Variants in AKAP6 observed in about 807,000 individuals in gnomAD.
AKAP6 encodes the protein A-kinase anchoring protein 6.
In AKAP6, 58 loss-of-function variants were observed where a neutral mutation model predicts 188.5. The ratio of observed to expected loss-of-function variants is 0.31; its 90% CI spans 0.25 to 0.38. The LOEUF (loss-of-function observed/expected upper bound fraction) is 0.38. Among genes scored for constraint, AKAP6 ranks in the 10% least tolerant of loss-of-function variants. The pLI is 1.00. For synonymous variants in AKAP6, 989 were observed against 998.6 expected (o/e 0.99, Z 0.18); for missense variants, 2,710 against 2,740.0 (o/e 0.99, Z 0.24).
At chr14:32,670,183 G>A (rs922494716) in intron 7 of AKAP6, among the ~76,000 whole-genome samples, 8 of 151,764 alleles carry the variant, frequency 5.3e-5, no homozygotes, top group Admixed American at 2.0e-4. Flanking sequence ...CAGATCTCAT[G>A]AAAACTATCA....
In AKAP6 at chr14:32,831,902, T is replaced by C. The variant is rs983741936; in HGVS notation, c.*2097T>C. The C allele has an allele frequency of 6.6e-6, 1 of 152,188 alleles. No individual in the cohort carries two copies. Among genetic ancestry groups the C allele is most frequent in the Non-Finnish European group, 1.5e-5 (1 of 68,032 alleles). The allele number at this position is 152,188 out of a possible 1,614,324, so 9.4% of individuals were successfully genotyped here. A position where few individuals can be genotyped will look rare whatever the true frequency, so the allele number is the denominator to read the frequency against. ...AAAATGCTAGGTAATAAGGACACTT[T>C]GTACAGGCTGTTTTGCACCTGATTT... On this transcript the variant is annotated 3_prime_UTR_variant, in exon 14 of 14. Transcript: ENST00000280979.
chr14:32,452,600 A>G (rs1890978144), intron 2 of AKAP6, among the ~76,000 whole-genome samples: 1 of 152,088 alleles, frequency 6.6e-6, no homozygotes, highest in African/African-American at 2.4e-5. Flanking sequence ...GCTTGAGGCC[A>G]GGAGTTTGTG....
At chr14:32,465,703 A>T (rs149879301) in intron 2 of AKAP6, among the ~76,000 whole-genome samples, 52,638 of 151,954 alleles carry the variant, frequency 0.35, 10,730 homozygotes, top group Non-Finnish European at 0.47. Context: ...CACAAAAAGC[A>T]ATTGCAACAA....
chr14:32,460,355 G>A (rs1429793629), intron 2 of AKAP6, among the ~76,000 whole-genome samples: 2 of 152,184 alleles, frequency 1.3e-5, no homozygotes, highest in South Asian at 2.1e-4. Context: ...CAGAAAGCAG[G>A]TGATTTCTCC....
chr14:32,480,571 A>T (rs1292614922), intron 2 of AKAP6, among the ~76,000 whole-genome samples: 1 of 152,212 alleles, frequency 6.6e-6, no homozygotes, highest in Non-Finnish European at 1.5e-5. Context: ...GGAAGGAAGC[A>T]GTTTGGTGAT....
chr14:32,466,370 T>C lies in AKAP6; in HGVS notation c.324+32553T>C, dbSNP rs184166430. ...GGCTGGATAAAGAATATGTGGCACA[T>C]GTACACCATGGAATACTATGCAGCC... On this transcript the variant is annotated intron_variant, in intron 2 of 13. Coordinates refer to ENST00000280979, the MANE Select transcript of AKAP6 (RefSeq NM_004274.5). Among the ~76,000 whole-genome samples the C allele has an allele frequency of 2.0e-5, 3 of 152,294 alleles. 1 individual carries two copies. Among genetic ancestry groups the C allele is most frequent in the Admixed American group, 1.3e-4 (2 of 15,292 alleles).
intron 12 of AKAP6, among the ~76,000 whole-genome samples, chr14:32,805,419 T>C (rs1473580936): frequency 2.0e-5 from 3 of 152,194 alleles, no homozygotes; most frequent in Non-Finnish European, 4.4e-5. Context: ...ATCCTGCGTG[T>C]AGGAGGAGAG....
At chr14:32,631,351 T>A (rs966748842) in intron 7 of AKAP6, among the ~76,000 whole-genome samples, 2 of 152,184 alleles carry the variant, frequency 1.3e-5, no homozygotes, top group African/African-American at 4.8e-5. Flanking sequence ...ATTTATCGAT[T>A]TTCCACTTTC....
Position 32,581,188 on chromosome 14 carries a change from G to A in AKAP6, c.2469+3946G>A, listed in dbSNP as rs567384482. 5.0e-3 allele frequency among the ~76,000 whole-genome samples: 760 copies of A among 152,144 alleles called. 4 individuals are homozygous for A. Among genetic ancestry groups the A allele is most frequent in the Middle Eastern group, 0.017 (5 of 294 alleles). On this transcript the variant is annotated intron_variant, in intron 5 of 13. Transcript: ENST00000280979. ...CCACCAACAGTGTAAAAGTGTTCCT[G>A]TTTCTCCACATCCTCTCCAGCACCT...
At chr14:32,829,241 G>C (rs1398423632) in intron 13 of AKAP6, among the ~76,000 whole-genome samples, 2 of 151,208 alleles carry the variant, frequency 1.3e-5, no homozygotes, top group Non-Finnish European at 3.0e-5. Context: ...CCACAATGCT[G>C]TATGTACCTT....
At chr14:32,555,108 G>A (rs561821278) in intron 4 of AKAP6, among the ~76,000 whole-genome samples, 78 of 152,310 alleles carry the variant, frequency 5.1e-4, no homozygotes, top group African/African-American at 1.9e-3. Context: ...AGCTAAGGAT[G>A]TCCTTGCACA....
intron 1 of AKAP6, among the ~76,000 whole-genome samples, chr14:32,343,515 G>A (rs557402871): frequency 2.6e-5 from 4 of 151,854 alleles, no homozygotes; most frequent in African/African-American, 4.8e-5. Context: ...TTGGGAGGCC[G>A]AGGTGGGTGG....
At chr14:32,585,877 T>C (rs539522209) in intron 5 of AKAP6, among the ~76,000 whole-genome samples, 5 of 152,188 alleles carry the variant, frequency 3.3e-5, no homozygotes, top group African/African-American at 1.2e-4. Context: ...AGCCATGTGG[T>C]GTAGCTGAGA....
At chr14:32,611,691 C>T (rs1886358337) in intron 7 of AKAP6, among the ~76,000 whole-genome samples, 1 of 152,118 alleles carries the variant, frequency 6.6e-6, no homozygotes, top group Non-Finnish European at 1.5e-5. Context: ...CTTTCAGGCC[C>T]TGTTGCCCAG....
At chr14:32,371,993 C>T (rs952819149) in intron 1 of AKAP6, among the ~76,000 whole-genome samples, 27 of 151,774 alleles carry the variant, frequency 1.8e-4, no homozygotes, top group African/African-American at 5.3e-4. Context: ...TTCTCTCCTT[C>T]CTTCTCTTTT....
chr14:32,715,770 ATT>A (rs67983441), intron 9 of AKAP6, among the ~76,000 whole-genome samples: 7 of 151,472 alleles, frequency 4.6e-5, no homozygotes, highest in African/African-American at 1.7e-4. Flanking sequence ...AAAAGGAAAG[ATT>A]TTTTTTTAAA....
At chr14:32,357,452 C>T (rs915839224) in intron 1 of AKAP6, among the ~76,000 whole-genome samples, 2 of 152,158 alleles carry the variant, frequency 1.3e-5, no homozygotes, top group African/African-American at 4.8e-5. Context: ...GTTCTTTTCT[C>T]CCATATCACA....
chr14:32,826,490 G>A (rs942770412), intron 13 of AKAP6, among the ~76,000 whole-genome samples: 12 of 152,128 alleles, frequency 7.9e-5, no homozygotes, highest in Non-Finnish European at 1.0e-4. Context: ...AGAAGGGCTG[G>A]TAGAGCCTGG....
At chr14:32,430,164 A>G (rs1890167421) in intron 1 of AKAP6, among the ~76,000 whole-genome samples, 2 of 152,246 alleles carry the variant, frequency 1.3e-5, no homozygotes, top group South Asian at 4.1e-4. Context: ...TAGTAGCTAC[A>G]CAGCTCTCAA....
Sources: gnomAD v4.1 joint callset for allele counts (sites outside exome capture counted in the v4.1 genomes callset) on GRCh38, gnomAD v4.1.1 for gene constraint, MANE v1.5 for transcripts, NCBI Gene and HGNC (gene_info 2026-07-23, HGNC 2026-07-21) for gene names.